NKAIN2: variants seen among roughly 807,000 people sequenced by gnomAD.
NKAIN2 encodes sodium/potassium-transporting ATPase subunit beta-1-interacting protein 2.
Under a neutral mutation model 32.6 loss-of-function variants are expected in NKAIN2, and 14 were observed. That is an observed-to-expected ratio of 0.43 (90% CI 0.28 to 0.67). The LOEUF is 0.67. Among genes scored for constraint, NKAIN2 ranks in the 30% least tolerant of loss-of-function variants. The pLI is 0.17. For missense variants in NKAIN2, 198 were observed against 258.3 expected (o/e 0.77, Z 1.60); for synonymous variants, 80 against 87.2 (o/e 0.92, Z 0.46).
chr6:124,550,432 C>T (rs1780245670), intron 3 of NKAIN2, among the ~76,000 whole-genome samples: 1 of 151,942 alleles, frequency 6.6e-6, no homozygotes, highest in Non-Finnish European at 1.5e-5. Context: ...TACTTTCTGG[C>T]ACCACAGATG....
intron 1 of NKAIN2, among the ~76,000 whole-genome samples, chr6:124,226,406 G>A (rs1413682639): frequency 7.9e-5 from 12 of 151,944 alleles, no homozygotes; most frequent in Admixed American, 7.9e-4. Flanking sequence ...CTGCTCGAGT[G>A]TTCTAACTTT....
chr6:124,771,777 G>C (rs547907353), intron 4 of NKAIN2, among the ~76,000 whole-genome samples: 1 of 152,130 alleles, frequency 6.6e-6, no homozygotes, highest in African/African-American at 2.4e-5. Context: ...TTATTTCTTA[G>C]AGTAAAAACA....
In NKAIN2 at chr6:124,616,238, G is replaced by A. The variant is rs1418631525; in HGVS notation, c.274-41948G>A. Among the ~76,000 whole-genome samples, 3 of 151,934 alleles carry A rather than the reference G, an allele frequency of 2.0e-5. No individual in the cohort carries two copies. The East Asian group carries it at 5.8e-4, about 29-fold the overall frequency. ...TCTCCTCCACTTTCTGCCTGTGTTT[G>A]TTCCCTGTTCAATGCCTTCAGGCTT... On this transcript the variant is annotated intron_variant, in intron 3 of 6. Transcript: ENST00000368417.
intron 3 of NKAIN2, among the ~76,000 whole-genome samples, chr6:124,408,599 G>A (rs962196157): frequency 7.2e-5 from 11 of 152,158 alleles, no homozygotes; most frequent in African/African-American, 2.4e-4. Context: ...GGTTACTGTA[G>A]CCTTGTAGTA....
At chr6:123,949,541 G>T (rs903783485) in intron 1 of NKAIN2, among the ~76,000 whole-genome samples, 1 of 151,740 alleles carries the variant, frequency 6.6e-6, no homozygotes. Context: ...TTATTCCTAC[G>T]TATTTGGTTC....
chr6:124,711,694 A>G (rs1775469800), intron 4 of NKAIN2, among the ~76,000 whole-genome samples: 1 of 151,180 alleles, frequency 6.6e-6, no homozygotes. Flanking sequence ...ATTTCTCTGT[A>G]TTGGTTATTC....
chr6:124,377,789 A>G (rs1372723645), intron 3 of NKAIN2, among the ~76,000 whole-genome samples: 1 of 152,182 alleles, frequency 6.6e-6, no homozygotes, highest in East Asian at 1.9e-4. Context: ...GAATATAACT[A>G]GAGTGACCCT....
intron 1 of NKAIN2, among the ~76,000 whole-genome samples, chr6:124,202,555 A>C (rs1790644739): frequency 6.6e-6 from 1 of 151,920 alleles, no homozygotes; most frequent in African/African-American, 2.4e-5. Flanking sequence ...TGAGGGGAAA[A>C]TGTCCAGACT....
chr6:124,185,051 A>G (rs993431822), intron 1 of NKAIN2, among the ~76,000 whole-genome samples: 1 of 152,112 alleles, frequency 6.6e-6, no homozygotes, highest in Non-Finnish European at 1.5e-5. Flanking sequence ...CTCTATTTTT[A>G]TGTTCATTAG....
intron 4 of NKAIN2, among the ~76,000 whole-genome samples, chr6:124,719,991 G>A (rs1775936677): frequency 6.6e-6 from 1 of 152,068 alleles, no homozygotes; most frequent in Non-Finnish European, 1.5e-5. Flanking sequence ...TCCCCAAAGA[G>A]AATGTCAAAT....
At position 124,803,281 on chromosome 6, in the gene NKAIN2, C is replaced by A. The variant is rs564531629; in HGVS notation, c.535+11882C>A. ...AGGCAATTATTCTTTTGTCTTCTTG[C>A]AACCCTGCCCAAATCTGAGAGGAAC... On this transcript the variant is annotated intron_variant, in intron 5 of 6. Transcript: ENST00000368417. Among the ~76,000 whole-genome samples the A allele has an allele frequency of 2.0e-5, 3 of 152,308 alleles. No homozygotes were observed. The East Asian group carries it at 5.8e-4, about 29-fold the overall frequency.
At chr6:123,883,894 C>CAA (rs369070419) in intron 1 of NKAIN2, among the ~76,000 whole-genome samples, 1,489 of 63,476 alleles carry the variant, frequency 0.023, 165 homozygotes, top group East Asian at 0.083. Context: ...GACTCTGTCT[C>CAA]AAAAAAAAAA....
intron 1 of NKAIN2, among the ~76,000 whole-genome samples, chr6:123,892,008 G>T (rs554851406): frequency 6.6e-6 from 1 of 152,234 alleles, no homozygotes; most frequent in East Asian, 1.9e-4. Flanking sequence ...AGTTTTTCAG[G>T]ACAAATTTAA....
chr6:124,058,831 T>A (rs1782786760), intron 1 of NKAIN2, among the ~76,000 whole-genome samples: 1 of 152,124 alleles, frequency 6.6e-6, no homozygotes. Flanking sequence ...CATTTGCATA[T>A]TGTCTCTGGC....
chr6:124,346,547 A>C (rs1227362174), intron 2 of NKAIN2, among the ~76,000 whole-genome samples: 1 of 152,074 alleles, frequency 6.6e-6, no homozygotes, highest in Non-Finnish European at 1.5e-5. Flanking sequence ...ATTTAGGACA[A>C]TTAGCTCTTC....
At chr6:124,685,683 G>C (rs1408977057) in intron 4 of NKAIN2, among the ~76,000 whole-genome samples, 3 of 152,102 alleles carry the variant, frequency 2.0e-5, no homozygotes, top group Non-Finnish European at 2.9e-5. Flanking sequence ...AGGCATGAGA[G>C]ACATTCTAGT....
intron 1 of NKAIN2, among the ~76,000 whole-genome samples, chr6:123,926,404 T>G (rs1776005074): frequency 6.6e-6 from 1 of 152,148 alleles, no homozygotes; most frequent in Non-Finnish European, 1.5e-5. Context: ...TGCAGATTCC[T>G]GTGGCAGTGT....
In NKAIN2 at chr6:124,515,210, G is replaced by A. The variant is rs1170460961; in HGVS notation, c.274-142976G>A. Among the ~76,000 whole-genome samples the A allele has an allele frequency of 5.9e-5, 9 of 152,090 alleles. No individual in the cohort carries two copies. The East Asian group carries it at 1.8e-3, about 30-fold the overall frequency. On this transcript the variant is annotated intron_variant, in intron 3 of 6. Coordinates refer to ENST00000368417, the MANE Select transcript of NKAIN2 (RefSeq NM_001040214.3). ...CTGTACTTTAAATCATTCTGCCTTG[G>A]TCACTTTGTGTTGCTGTAAAGGAAT...
intron 1 of NKAIN2, among the ~76,000 whole-genome samples, chr6:123,818,274 G>A (rs958576219): frequency 4.0e-5 from 6 of 151,208 alleles, no homozygotes; most frequent in Admixed American, 6.6e-5. Flanking sequence ...TAAAATATGT[G>A]GATAAGAGTT....
Sources: allele counts gnomAD v4.1 joint callset (sites outside exome capture counted in the v4.1 genomes callset), GRCh38; gene constraint gnomAD v4.1.1; transcripts MANE v1.5; gene names NCBI Gene and HGNC (gene_info 2026-07-23, HGNC 2026-07-21).